The following ISM2 variants were observed in gnomAD, a reference collection of about 807,000 sequenced individuals.
ISM2 encodes the protein isthmin-2.
A neutral mutation model predicts 58.0 loss-of-function variants in ISM2; 50 were observed. The observed-to-expected ratio is 0.86, with a 90% confidence interval of 0.69 to 1.09. ISM2 has a LOEUF of 1.09. Ranked by LOEUF, ISM2 falls within the 50% of genes least tolerant of loss-of-function variation. The probability of loss-of-function intolerance (pLI) is 0.00; values close to 1 mark genes in which losing one functional copy is unlikely to be tolerated. For missense variants in ISM2, 723 were observed against 745.0 expected (o/e 0.97, Z 0.34); for synonymous variants, 303 against 312.4 (o/e 0.97, Z 0.32).
At position 77,487,243 on chromosome 14, in the gene ISM2, TTAAATAAATAAATAAATAAA is replaced by T. The variant is rs35003981; in HGVS notation, c.142-2344_142-2325del. Among the ~76,000 whole-genome samples, 8 of 144,110 alleles carry T rather than the reference TTAAATAAATAAATAAATAAA, an allele frequency of 5.6e-5. No homozygotes were observed. In the East Asian group the frequency reaches 1.7e-3, roughly 30 times the overall value. The allele number at this position is 144,110 out of a possible 152,430, so 94.5% of individuals were successfully genotyped here. On this transcript the variant is annotated intron_variant, in intron 1 of 6. Coordinates refer to ENST00000342219, the MANE Select transcript of ISM2 (RefSeq NM_199296.3). Reference sequence around the variant, plus strand: ...CTGGGCAACAGAGTGAGAATCCATCTTAAATAAATAAATAAATAAATAAATAAATAAATAAATAATAAAAA... The same window carrying T: ...CTGGGCAACAGAGTGAGAATCCATCTTAAATAAATAAATAAATAATAAAAA...
intron 1 of ISM2, among the ~76,000 whole-genome samples, chr14:77,492,127 G>A (rs960063913): frequency 2.0e-5 from 3 of 151,974 alleles, no homozygotes; most frequent in Non-Finnish European, 2.9e-5. Context: ...CTTCCAAAGT[G>A]CTGGAATTAC....
chr14:77,482,157 T>G (rs2079135965), intron 4 of ISM2, among the ~76,000 whole-genome samples, 165 bp downstream of exon 4: 1 of 151,106 alleles, frequency 6.6e-6, no homozygotes, highest in Non-Finnish European at 1.5e-5. Flanking sequence ...CTCTGCAAGC[T>G]ATTGTCAATG....
intron 4 of ISM2, among the ~76,000 whole-genome samples, chr14:77,482,027 C>G (rs927498880): frequency 6.6e-6 from 1 of 150,420 alleles, no homozygotes; most frequent in South Asian, 2.1e-4. Flanking sequence ...GTGGGAGGAT[C>G]GCTTGAGCCC....
intron 1 of ISM2, among the ~76,000 whole-genome samples, chr14:77,487,365 G>A (rs555772391): frequency 6.7e-4 from 102 of 152,316 alleles, no homozygotes; most frequent in African/African-American, 2.3e-3. Context: ...TAACCTGTGG[G>A]GCCCTAGCAG....
intron 1 of ISM2, among the ~76,000 whole-genome samples, chr14:77,496,622 C>T (rs1438884021): frequency 6.7e-6 from 1 of 149,908 alleles, no homozygotes; most frequent in Non-Finnish European, 1.5e-5. Context: ...CATGGTGAAA[C>T]CCTGTCTTGA....
chr14:77,497,788 AAGGAAGGAAG>A (rs2079256652), intron 1 of ISM2, among the ~76,000 whole-genome samples: 3 of 132,326 alleles, frequency 2.3e-5, no homozygotes, highest in African/African-American at 9.7e-5. Flanking sequence ...GGAAGGAAGG[AAGGAAGGAAG>A]GAAGGAAGGA....
chr14:77,497,542 A>T (rs1056592238), intron 1 of ISM2, among the ~76,000 whole-genome samples: 3 of 151,176 alleles, frequency 2.0e-5, no homozygotes, highest in Non-Finnish European at 2.9e-5. Context: ...AAAATAAAAA[A>T]AATTAGCCAG....
chr14:77,482,618 A>T lies in ISM2; in HGVS notation c.677T>A (p.Leu226Gln), dbSNP rs1324014403. The T allele has an allele frequency of 6.3e-7, 1 of 1,597,894 alleles. No homozygotes were observed. The highest frequency in any genetic ancestry group is 8.5e-7 in the Non-Finnish European group (1 of 1,172,734). Residue 226 changes from leucine (L) to glutamine (Q), a missense_variant, in exon 4 of 7, where the codon CTG becomes CAG. Physicochemically the swap from Leu to Gln is moderately radical, Grantham distance 113. Transcript: ENST00000342219. Reference sequence around the variant, plus strand: ...CGGGGGATTGCTGGGCTCAGCCAACAGGTCTATCGACACCTCGGCCTGGGG... The same window carrying T: ...CGGGGGATTGCTGGGCTCAGCCAACTGGTCTATCGACACCTCGGCCTGGGG... ...EDPQAEVSIDLLAEPSNPPPQ... is the reference protein window; with the variant it reads ...EDPQAEVSIDQLAEPSNPPPQ...
chr14:77,485,767 T>C (rs1342600948), intron 1 of ISM2, among the ~76,000 whole-genome samples: 2 of 152,168 alleles, frequency 1.3e-5, no homozygotes, highest in Non-Finnish European at 2.9e-5. Flanking sequence ...CTGTGGACCC[T>C]GCTTCACTCA....
chr14:77,476,002 C>A lies in ISM2; in HGVS notation c.1309G>T (p.Ala437Ser). 1 of 1,587,182 alleles carries A rather than the reference C, an allele frequency of 6.3e-7. No individual in the cohort carries two copies. The highest frequency in any genetic ancestry group is 8.5e-7 in the Non-Finnish European group (1 of 1,170,892). The change falls in exon 7 of 7, where the codon GCC becomes TCC. Residue 437 changes from alanine (A) to serine (S), a missense_variant. Transcript: ENST00000342219. ...PSCPCAYPLEAMDSPVSLQDE... is the reference protein window; with the variant it reads ...PSCPCAYPLESMDSPVSLQDE... ...TGTAGGCTCACAGGGCTGTCCATGG[C>A]CTCCAGTGGGTAGGCACACGGGCAG...
At position 77,484,423 on chromosome 14, in the gene ISM2, G is replaced by A. The variant is rs370331721; in HGVS notation, c.527C>T (p.Thr176Met). The A allele has an allele frequency of 4.0e-5, 64 of 1,612,986 alleles. 1 individual carries two copies. Among genetic ancestry groups the A allele is most frequent in the Middle Eastern group, 1.7e-4 (1 of 6,056 alleles). Reference protein sequence around the residue: ...EPAALTPGNATPPRTQEVTPL... With the variant: ...EPAALTPGNAMPPRTQEVTPL... ...AGTAACCTCCTGGGTCCTGGGAGGC[G>A]TGGCATTCCCTGGGGTCAGGGCTGC... The change falls in exon 3 of 7, where the codon ACG becomes ATG. Residue 176 changes from threonine to methionine, a missense_variant. Coordinates refer to ENST00000342219, the MANE Select transcript of ISM2 (RefSeq NM_199296.3).
At chr14:77,492,361 C>T (rs11159266) in intron 1 of ISM2, among the ~76,000 whole-genome samples, 10,551 of 152,048 alleles carry the variant, frequency 0.069, 537 homozygotes, top group Admixed American at 0.16. Context: ...TTACTGGGCC[C>T]GCTGTCAGTT....
At chr14:77,494,423 G>C (rs905678958) in intron 1 of ISM2, among the ~76,000 whole-genome samples, 2 of 151,842 alleles carry the variant, frequency 1.3e-5, no homozygotes, top group Admixed American at 6.6e-5. Context: ...TTGAGATGGA[G>C]ACTCACTCTG....
At chr14:77,494,206 G>A (rs2079225117) in intron 1 of ISM2, among the ~76,000 whole-genome samples, 1 of 152,136 alleles carries the variant, frequency 6.6e-6, no homozygotes, top group African/African-American at 2.4e-5. Flanking sequence ...CTGGAAAATG[G>A]AGATCATGCC....
At position 77,484,536 on chromosome 14, in the gene ISM2, C is replaced by T. The variant is rs1566755609; in HGVS notation, c.414G>A (p.Leu138=). 1 of 1,594,744 alleles carries T rather than the reference C, an allele frequency of 6.3e-7. No homozygotes were observed. Among genetic ancestry groups the T allele is most frequent in the Admixed American group, 1.7e-5 (1 of 58,348 alleles). The change falls in exon 3 of 7, where the codon CTG becomes CTA. Residue 138 remains leucine (L), a synonymous_variant. Coordinates refer to ENST00000342219, the MANE Select transcript of ISM2 (RefSeq NM_199296.3). ...GCAGTCGTGCCTCCTCCTCTTCCCT[C>T]AGAGGCCTAGGATCTGGGGAGGCTG... The part of the protein sequence containing the change: ...QASASPDPRP[L]REEEEARLLP...
chr14:77,483,975 C>T (rs752612745), intron 3 of ISM2: 8 of 192,122 alleles, frequency 4.2e-5, no homozygotes, highest in Admixed American at 1.1e-4. Flanking sequence ...CAGGTCTTTT[C>T]CAGGAGGCCT....
At chr14:77,490,031 T>G (rs2079192578) in intron 1 of ISM2, among the ~76,000 whole-genome samples, 1 of 152,100 alleles carries the variant, frequency 6.6e-6, no homozygotes, top group South Asian at 2.1e-4. Flanking sequence ...GCCCAGCTAA[T>G]TTTTTGTATT....
chr14:77,492,702 A>G (rs2079213611), intron 1 of ISM2, among the ~76,000 whole-genome samples: 1 of 151,908 alleles, frequency 6.6e-6, no homozygotes, highest in Non-Finnish European at 1.5e-5. Flanking sequence ...TATTTAATTA[A>G]TTTATTTATT....
chr14:77,485,224 C>T (rs747658863), intron 1 of ISM2, among the ~76,000 whole-genome samples: 1 of 152,232 alleles, frequency 6.6e-6, no homozygotes, highest in Admixed American at 6.5e-5. Context: ...GAAGAAACCA[C>T]AGCCCAAGAA....
Sources: allele counts gnomAD v4.1 joint callset (sites outside exome capture counted in the v4.1 genomes callset), GRCh38; gene constraint gnomAD v4.1.1; transcripts MANE v1.5; gene names NCBI Gene and HGNC (gene_info 2026-07-23, HGNC 2026-07-21).